The following LRRC43 variants were observed in gnomAD, a reference collection of about 807,000 sequenced individuals.
LRRC43 encodes the protein leucine rich repeat containing 43.
A neutral mutation model predicts 64.3 loss-of-function variants in LRRC43; 62 were observed. The ratio of observed to expected loss-of-function variants is 0.96; its 90% CI spans 0.79 to 1.19. The LOEUF (loss-of-function observed/expected upper bound fraction) is 1.19. Among genes scored for constraint, LRRC43 ranks in the 50% most tolerant of loss-of-function variants. LRRC43 has a pLI of 0.00. For missense variants in LRRC43, 868 were observed against 845.0 expected (o/e 1.03, Z -0.34); for synonymous variants, 422 against 382.3 (o/e 1.10, Z -1.21).
intron 7 of LRRC43, among the ~76,000 whole-genome samples, chr12:122,199,422 A>G (rs542043169): frequency 1.3e-5 from 2 of 151,448 alleles, no homozygotes; most frequent in South Asian, 4.2e-4. Flanking sequence ...AGCTGGGACC[A>G]CGGGCACATG....
intron 1 of LRRC43, 21 bp downstream of exon 1, chr12:122,183,315 A>G (rs1953602861): frequency 3.4e-6 from 5 of 1,471,422 alleles, no homozygotes. Context: ...CGGGGCCGGA[A>G]CTCTGGGGGC....
chr12:122,191,670 A>G (rs1170487741), intron 6 of LRRC43, 103 bp downstream of exon 6: 2 of 919,824 alleles, frequency 2.2e-6, no homozygotes, highest in East Asian at 2.8e-5. Context: ...TAATTTATTT[A>G]TTGAGGAGGA....
intron 7 of LRRC43, among the ~76,000 whole-genome samples, chr12:122,199,496 A>G (rs1953810117): frequency 6.6e-6 from 1 of 150,418 alleles, no homozygotes; most frequent in South Asian, 2.1e-4. Flanking sequence ...GTTAGCCAGC[A>G]TGGTCTCGAT....
intron 7 of LRRC43, among the ~76,000 whole-genome samples, chr12:122,198,753 C>A (rs1953800154): frequency 7.0e-6 from 1 of 142,928 alleles, no homozygotes; most frequent in African/African-American, 2.6e-5. Flanking sequence ...CCTCAGCTTC[C>A]CAAGTAGCTG....
intron 1 of LRRC43, among the ~76,000 whole-genome samples, chr12:122,175,524 G>C (rs1405623001): frequency 7.0e-6 from 1 of 142,230 alleles, no homozygotes; most frequent in Admixed American, 7.2e-5. Context: ...TTTTTTTTGA[G>C]ACAGGGTCTC....
chr12:122,192,402 C>G (rs1953728748), intron 6 of LRRC43, among the ~76,000 whole-genome samples: 1 of 152,192 alleles, frequency 6.6e-6, no homozygotes, highest in Non-Finnish European at 1.5e-5. Flanking sequence ...TCCCAAAGTA[C>G]TGGGATTACA....
chr12:122,191,548 C>T lies in LRRC43; in HGVS notation c.1070C>T (p.Ser357Phe), dbSNP rs765666189. The change falls in exon 6 of 12, where the codon TCC (serine) becomes TTC (phenylalanine). Residue 357 changes from serine (S) to phenylalanine (F), a missense_variant. Physicochemically the swap from Ser to Phe is radical, Grantham distance 155. Coordinates refer to ENST00000339777, the MANE Select transcript of LRRC43 (RefSeq NM_001098519.2). ...GATGAAGAAGGCGAAATGAATGAGT[C>T]CGCGGGCGTCCTGGCCGAGGTGTGC... is the stretch of plus-strand genomic sequence containing the variant. ...VKDEEGEMNE[S>F]AGVLAEIVKP... 2.5e-6 allele frequency: 4 copies of T among 1,613,828 alleles called. No individual in the cohort carries two copies. The highest frequency in any genetic ancestry group is 1.7e-5 in the Admixed American group (1 of 59,974).
At chr12:122,201,269 A>G (rs1566014010) in intron 10 of LRRC43, 27 bp from the exon 11 acceptor site, 1 of 1,613,580 alleles carries the variant, frequency 6.2e-7, no homozygotes, top group Non-Finnish European at 8.5e-7. Flanking sequence ...TCCAGTAAGC[A>G]TCTCGTTTTG....
chr12:122,180,120 G>C (rs752848215), upstream of LRRC43, among the ~76,000 whole-genome samples: 3 of 152,166 alleles, frequency 2.0e-5, no homozygotes, highest in Non-Finnish European at 2.9e-5. Context: ...AGGCTGAGGA[G>C]ATTCACTAGA....
At chr12:122,181,105 C>A (rs1343677492), upstream of LRRC43, among the ~76,000 whole-genome samples, 1 of 151,896 alleles carries the variant, frequency 6.6e-6, no homozygotes, top group Non-Finnish European at 1.5e-5. Context: ...GTAGTCCCAG[C>A]CACTCAGGAG....
chr12:122,177,510 T>C lies in LRRC43; in HGVS notation c.-405-7009T>C, dbSNP rs1953547050. On this transcript the variant is annotated intron_variant, in intron 1 of 5. Transcript: ENST00000537729. ...GTGTGTGTGTGTGTGTGTGTGTGTG[T>C]GTGTGTGTTTAATAGAAAGGATCTT... Among the ~76,000 whole-genome samples, 3 of 148,688 alleles carry C rather than the reference T, an allele frequency of 2.0e-5. No individual in the cohort carries two copies. The East Asian group carries it at 6.0e-4, about 30-fold the overall frequency.
intron 11 of LRRC43, among the ~76,000 whole-genome samples, chr12:122,201,577 G>C (rs1953839395): frequency 6.6e-6 from 1 of 152,230 alleles, no homozygotes; most frequent in African/African-American, 2.4e-5. Flanking sequence ...CAAGAGCTTG[G>C]AGCTGGGGCT....
upstream of LRRC43, among the ~76,000 whole-genome samples, chr12:122,178,536 G>A (rs1347665335): frequency 2.0e-5 from 3 of 150,942 alleles, no homozygotes; most frequent in Non-Finnish European, 4.4e-5. Flanking sequence ...AGGTGTGGAT[G>A]GGTTGTAGAA....
chr12:122,187,557 A>C, intron 3 of LRRC43, 144 bp from the exon 4 acceptor site: 1 of 603,528 alleles, frequency 1.7e-6, no homozygotes, highest in Non-Finnish European at 2.8e-6. Context: ...GGGTTTTTAA[A>C]AGGGAGTCGG....
chr12:122,177,017 C>T (rs930087438), intron 1 of LRRC43, among the ~76,000 whole-genome samples: 1 of 152,158 alleles, frequency 6.6e-6, no homozygotes, highest in Non-Finnish European at 1.5e-5. Context: ...TTCACCACCC[C>T]ACTAATGTAA....
At chr12:122,182,969 C>A, upstream of LRRC43, 1 of 1,073,540 alleles carries the variant, frequency 9.3e-7, no homozygotes, top group Non-Finnish European at 1.3e-6. Flanking sequence ...GCACTTAGAA[C>A]CACCAGCTGT....
chr12:122,184,467 C>T lies in LRRC43; in HGVS notation c.151-52C>T, dbSNP rs1367283777. 1.3e-6 allele frequency: 2 copies of T among 1,591,036 alleles called. No homozygotes were observed. The highest frequency in any genetic ancestry group is 1.7e-6 in the Non-Finnish European group (2 of 1,167,450). On this transcript the variant is annotated intron_variant, in intron 1 of 11. Coordinates refer to ENST00000339777, the MANE Select transcript of LRRC43 (RefSeq NM_001098519.2). This position sits in a 1 kb window ranked among gnomAD's most constrained non-coding sequence, Gnocchi z 4.0. ...CTGTTCTGTTTTGAGAGTTTGGTGT[C>T]CTTAAGGGGGCTGTGTCACACCTAC...
intron 1 of LRRC43, among the ~76,000 whole-genome samples, chr12:122,171,100 C>T (rs1953481703): frequency 2.0e-5 from 3 of 152,196 alleles, no homozygotes; most frequent in Admixed American, 2.0e-4. Context: ...AGGAAGAAGT[C>T]CCCTAGGCCC....
intron 1 of LRRC43, chr12:122,173,952 T>C: frequency 6.2e-7 from 1 of 1,614,092 alleles, no homozygotes; most frequent in Non-Finnish European, 8.5e-7. Flanking sequence ...CCAGCCAGCC[T>C]CCCAGGCAGC....
Sources: gnomAD v4.1 joint callset for allele counts (sites outside exome capture counted in the v4.1 genomes callset) on GRCh38, gnomAD v4.1.1 for gene constraint, Gnocchi (gnomAD v3.1) non-coding constraint, MANE v1.5 for transcripts, NCBI Gene and HGNC (gene_info 2026-07-23, HGNC 2026-07-21) for gene names.